The following PTPRT variants were observed in gnomAD, a reference collection of about 807,000 sequenced individuals.
PTPRT encodes receptor-type tyrosine-protein phosphatase T.
In PTPRT, 56 loss-of-function variants were observed where a neutral mutation model predicts 176.8. That is an observed-to-expected ratio of 0.32 (90% CI 0.26 to 0.40). PTPRT has a LOEUF of 0.40. Among genes scored for constraint, PTPRT ranks in the 10% least tolerant of loss-of-function variants. The pLI is 1.00. For missense variants in PTPRT, 1,540 were observed against 1,908.2 expected (o/e 0.81, Z 3.60); for synonymous variants, 783 against 739.0 (o/e 1.06, Z -0.96).
At chr20:42,216,319 TTTTTGGCCTTGTTCACTACCAA>T (rs1455687901) in intron 15 of PTPRT, among the ~76,000 whole-genome samples, 1 of 152,196 alleles carries the variant, frequency 6.6e-6, no homozygotes, top group Non-Finnish European at 1.5e-5. Context: ...GACAACAACC[TTTTTGGCCTTGTTCACTACCAA>T]TTCCCCAGGG....
chr20:42,052,366 G>A, the PTPRT span, among the ~76,000 whole-genome samples: 3 of 152,192 alleles, frequency 2.0e-5, no homozygotes, highest in African/African-American at 7.2e-5. Flanking sequence ...CAGCCAGTCT[G>A]GGTGGTCTCT....
At chr20:42,193,254 G>T (rs1991068799) in intron 16 of PTPRT, among the ~76,000 whole-genome samples, 3 of 152,240 alleles carry the variant, frequency 2.0e-5, no homozygotes, top group South Asian at 2.1e-4. Context: ...CCATATTTGA[G>T]CATGCTTATC....
chr20:42,497,970 A>T (rs547144572), intron 7 of PTPRT, among the ~76,000 whole-genome samples: 1 of 139,162 alleles, frequency 7.2e-6, no homozygotes, highest in East Asian at 1.9e-4. Context: ...TCTAGGGTAC[A>T]TATCAAGAAT....
At chr20:42,903,061 G>A (rs1286701799) in intron 1 of PTPRT, among the ~76,000 whole-genome samples, 3 of 152,162 alleles carry the variant, frequency 2.0e-5, no homozygotes, top group Admixed American at 1.3e-4. Context: ...GGCCCATCTC[G>A]GCTCTTGACA....
At chr20:42,489,988 C>T (rs867261629) in intron 7 of PTPRT, among the ~76,000 whole-genome samples, 6 of 152,172 alleles carry the variant, frequency 3.9e-5, no homozygotes, top group African/African-American at 1.2e-4. Flanking sequence ...TTCCTCAAAA[C>T]CATTTGCTTA....
chr20:42,399,126 C>T (rs1410627796), intron 9 of PTPRT, among the ~76,000 whole-genome samples: 1 of 152,236 alleles, frequency 6.6e-6, no homozygotes, highest in African/African-American at 2.4e-5. Flanking sequence ...ACTTCTACCA[C>T]TTTCTATTAG....
intron 9 of PTPRT, among the ~76,000 whole-genome samples, chr20:42,395,393 C>CTGTGCTCT (rs2058839687): frequency 6.6e-6 from 1 of 152,172 alleles, no homozygotes; most frequent in Non-Finnish European, 1.5e-5. Flanking sequence ...AGTGAGACCC[C>CTGTGCTCT]CTGTGCTCTC....
intron 6 of PTPRT, among the ~76,000 whole-genome samples, chr20:42,736,153 G>A (rs925709547): frequency 1.4e-4 from 22 of 152,150 alleles, no homozygotes; most frequent in African/African-American, 5.3e-4. Context: ...TGTTGATTTG[G>A]GGGCATGTAA....
At chr20:42,195,356 A>G (rs142596672) in intron 16 of PTPRT, among the ~76,000 whole-genome samples, 1 of 152,324 alleles carries the variant, frequency 6.6e-6, no homozygotes, top group East Asian at 1.9e-4. Flanking sequence ...AGGGCCTCCT[A>G]AAGACACCGA....
intron 1 of PTPRT, among the ~76,000 whole-genome samples, chr20:43,016,505 T>C (rs1985377621): frequency 6.6e-6 from 1 of 150,734 alleles, no homozygotes; most frequent in African/African-American, 2.4e-5. Flanking sequence ...TCTCGGTTGC[T>C]GTCTCTGACT....
intron 1 of PTPRT, among the ~76,000 whole-genome samples, chr20:42,958,462 GA>G (rs1188861341): frequency 7.3e-6 from 1 of 137,290 alleles, no homozygotes. Flanking sequence ...AAGGAGGGGG[GA>G]GGGGGAGGGG....
At chr20:42,473,619 C>G (rs887572061) in intron 7 of PTPRT, among the ~76,000 whole-genome samples, 1 of 152,036 alleles carries the variant, frequency 6.6e-6, no homozygotes, top group Non-Finnish European at 1.5e-5. Context: ...GTAGGTGGGC[C>G]TACACCATGC....
chr20:42,634,028 TATATTATA>T (rs2074516474), intron 7 of PTPRT, among the ~76,000 whole-genome samples: 1 of 27,754 alleles, frequency 3.6e-5, no homozygotes, highest in Non-Finnish European at 5.6e-5. Context: ...ATATAATATA[TATATTATA>T]TATATTATAT....
rs536891088 is a variant in PTPRT at position 42,842,733 on chromosome 20, C to G, written c.214+43074G>C. Among the ~76,000 whole-genome samples, 15 of 152,272 alleles carry G rather than the reference C, an allele frequency of 9.9e-5. No individual in the cohort carries two copies. The South Asian group carries it at 3.1e-3, about 32-fold the overall frequency. On this transcript the variant is annotated intron_variant, in intron 2 of 30. Coordinates refer to ENST00000373187, the MANE Select transcript of PTPRT (RefSeq NM_007050.6). ...CTGAGCCTGGCCTAAATTTATTGAT[C>G]ATAGTTCTTGAGGCTGAAAAGTCAA... is the stretch of plus-strand genomic sequence containing the variant.
chr20:42,540,512 C>T (rs564007508), intron 7 of PTPRT, among the ~76,000 whole-genome samples: 35 of 152,170 alleles, frequency 2.3e-4, no homozygotes, highest in African/African-American at 4.1e-4. Flanking sequence ...TCCCAGAGGA[C>T]GGCACAGAGA....
intron 2 of PTPRT, among the ~76,000 whole-genome samples, chr20:42,872,818 C>G (rs1453277636): frequency 6.6e-6 from 1 of 152,142 alleles, no homozygotes; most frequent in Non-Finnish European, 1.5e-5. Context: ...ATCCATTTCA[C>G]AGAAGTGGGT....
At chr20:42,331,529 G>A (rs112109675) in intron 11 of PTPRT, among the ~76,000 whole-genome samples, 51 of 152,104 alleles carry the variant, frequency 3.4e-4, no homozygotes, top group African/African-American at 9.6e-4. Context: ...TAAATTAATC[G>A]TAATAGCAGG....
At chr20:42,087,012 C>T (rs2143006) in intron 27 of PTPRT, among the ~76,000 whole-genome samples, 1 of 151,374 alleles carries the variant, frequency 6.6e-6, no homozygotes, top group Non-Finnish European at 1.5e-5. Context: ...GACAGTGGTT[C>T]TCAGTCTGAG....
At chr20:42,645,695 C>A (rs1397531270) in intron 7 of PTPRT, among the ~76,000 whole-genome samples, 2 of 150,740 alleles carry the variant, frequency 1.3e-5, no homozygotes, top group African/African-American at 4.9e-5. Context: ...TAGAGGAAAG[C>A]CACCCAGAGG....
Sources: allele counts gnomAD v4.1 joint callset (sites outside exome capture counted in the v4.1 genomes callset), GRCh38; gene constraint gnomAD v4.1.1; transcripts MANE v1.5; gene names NCBI Gene and HGNC (gene_info 2026-07-23, HGNC 2026-07-21).